The following PAPOLA variants were observed in gnomAD, a reference collection of about 807,000 sequenced individuals.
PAPOLA encodes the protein poly(A) polymerase alpha.
A neutral mutation model predicts 100.6 loss-of-function variants in PAPOLA; 15 were observed. That is an observed-to-expected ratio of 0.15 (90% CI 0.10 to 0.23). The LOEUF is 0.23. PAPOLA is among the 10% of genes least tolerant of loss of function. PAPOLA has a pLI of 1.00. For synonymous variants in PAPOLA, 293 were observed against 300.0 expected (o/e 0.98, Z 0.24); for missense variants, 533 against 884.2 (o/e 0.60, Z 5.04).
At chr14:96,534,686 T>G in intron 10 of PAPOLA, 123 bp downstream of exon 10, 1 of 1,518,706 alleles carries the variant, frequency 6.6e-7, no homozygotes, top group Non-Finnish European at 8.8e-7. Context: ...GTATTACACT[T>G]TCTTTTAGAT....
chr14:96,544,378 A>C, intron 15 of PAPOLA, 120 bp downstream of exon 15: 1 of 605,282 alleles, frequency 1.7e-6, no homozygotes. Context: ...TTGAACTATC[A>C]TCAGAATAAT....
intron 1 of PAPOLA, among the ~76,000 whole-genome samples, chr14:96,508,803 G>T (rs574492612): frequency 6.6e-6 from 1 of 152,012 alleles, no homozygotes; most frequent in African/African-American, 2.4e-5. Context: ...TTAAATAATT[G>T]GACAATGCCA....
intron 21 of PAPOLA, 42 bp downstream of exon 21, chr14:96,562,935 T>TA (rs1190988176): frequency 3.5e-6 from 4 of 1,148,866 alleles, no homozygotes; most frequent in Non-Finnish European, 5.3e-6. Context: ...TAAATGTCCT[T>TA]AAGATTAGTG....
At chr14:96,539,118 T>C (rs908175136) in intron 12 of PAPOLA, among the ~76,000 whole-genome samples, 1 of 152,130 alleles carries the variant, frequency 6.6e-6, no homozygotes, top group Non-Finnish European at 1.5e-5. Flanking sequence ...TAATTCAAGT[T>C]AACATGTAAC....
chr14:96,557,192 C>T (rs936201385), intron 19 of PAPOLA, among the ~76,000 whole-genome samples: 13 of 152,030 alleles, frequency 8.6e-5, no homozygotes, highest in African/African-American at 2.2e-4. Context: ...ACTACAGGTG[C>T]GCACCACCAT....
chr14:96,542,134 C>T (rs1385206037), intron 12 of PAPOLA, 109 bp from the exon 13 acceptor site: 1 of 591,244 alleles, frequency 1.7e-6, no homozygotes, highest in Admixed American at 3.3e-5. Context: ...GTCCCCCTTG[C>T]TAAATTGATG....
chr14:96,547,141 G>A (rs910906729), intron 15 of PAPOLA, among the ~76,000 whole-genome samples: 1 of 152,026 alleles, frequency 6.6e-6, no homozygotes, highest in African/African-American at 2.4e-5. Flanking sequence ...GGCTACGTTG[G>A]TCTTTGTTCA....
chr14:96,544,869 G>A (rs1295100213), intron 15 of PAPOLA, among the ~76,000 whole-genome samples: 1 of 152,026 alleles, frequency 6.6e-6, no homozygotes, highest in African/African-American at 2.4e-5. Context: ...TTAATGCATA[G>A]GTGGGAAATA....
chr14:96,510,403 G>A (rs1865835819), intron 1 of PAPOLA, among the ~76,000 whole-genome samples: 1 of 148,316 alleles, frequency 6.7e-6, no homozygotes. Flanking sequence ...AGTTGATGTA[G>A]CAGTGTACAA....
chr14:96,561,355 A>G (rs563333278), intron 20 of PAPOLA, among the ~76,000 whole-genome samples: 2 of 152,248 alleles, frequency 1.3e-5, no homozygotes, highest in Non-Finnish European at 2.9e-5. Flanking sequence ...CCTTCTCCCA[A>G]ATTATCCAGA....
intron 3 of PAPOLA, among the ~76,000 whole-genome samples, chr14:96,523,377 A>G (rs1050122654): frequency 2.6e-5 from 4 of 152,254 alleles, no homozygotes; most frequent in Non-Finnish European, 5.9e-5. Flanking sequence ...TGACTACACT[A>G]GCAACATTTC....
chr14:96,547,706 G>T, intron 15 of PAPOLA, 91 bp from the exon 16 acceptor site: 1 of 930,584 alleles, frequency 1.1e-6, no homozygotes, highest in Non-Finnish European at 1.6e-6. Flanking sequence ...GATGGAAAAA[G>T]GATCCCTACT....
At chr14:96,538,409 G>A (rs1004420500) in intron 12 of PAPOLA, among the ~76,000 whole-genome samples, 2 of 151,926 alleles carry the variant, frequency 1.3e-5, no homozygotes, top group African/African-American at 4.8e-5. Flanking sequence ...GAACTTTGGT[G>A]CTTTTTCTAA....
At chr14:96,512,984 C>T (rs529682984) in intron 1 of PAPOLA, among the ~76,000 whole-genome samples, 55 of 152,190 alleles carry the variant, frequency 3.6e-4, no homozygotes, top group Non-Finnish European at 6.2e-4. Context: ...TGCTGGAATT[C>T]GGGTCCCTAT....
At chr14:96,552,757 T>C in intron 17 of PAPOLA, 135 bp downstream of exon 17, 1 of 770,678 alleles carries the variant, frequency 1.3e-6, no homozygotes, top group Non-Finnish European at 2.0e-6. Context: ...TAAATAGCAA[T>C]TTAATTCCCA....
intron 1 of PAPOLA, among the ~76,000 whole-genome samples, chr14:96,511,193 G>T (rs1429132499): frequency 6.6e-6 from 1 of 152,132 alleles, no homozygotes; most frequent in Non-Finnish European, 1.5e-5. Flanking sequence ...TTAATATCAT[G>T]GGCCACAACT....
rs539819361 is a variant in PAPOLA at position 96,563,029 on chromosome 14, G to A, written c.2142+136G>A. ...AGTAATTACTTGCTAGCCTATAAAC[G>A]TATTTATTGTAGTTTTAAGGCAGGG... On this transcript the variant is annotated intron_variant, in intron 21 of 21. Coordinates refer to ENST00000216277, the MANE Select transcript of PAPOLA (RefSeq NM_032632.5). The A allele has an allele frequency of 3.0e-4, 170 of 557,920 alleles. No individual in the cohort carries two copies. In the South Asian group the frequency reaches 3.7e-3, roughly 12 times the overall value. 34.6% of individuals were successfully genotyped at this position (557,920 alleles called of 1,614,324 possible).
chr14:96,527,593 G>A (rs983439297), intron 5 of PAPOLA, 54 bp downstream of exon 5: 4 of 968,100 alleles, frequency 4.1e-6, no homozygotes, highest in East Asian at 2.4e-5. Context: ...CATTTAGTCA[G>A]TTGAGTGAAT....
chr14:96,532,958 T>G lies in PAPOLA; in HGVS notation c.836+309T>G, dbSNP rs1488324037. Reference sequence around the variant, plus strand: ...GGTTGGGAAATCAGTTACTATACTTTTGGATAAAACTTGTACACACTACCT... The same window carrying G: ...GGTTGGGAAATCAGTTACTATACTTGTGGATAAAACTTGTACACACTACCT... On this transcript the variant is annotated intron_variant, in intron 9 of 21. Coordinates refer to ENST00000216277, the MANE Select transcript of PAPOLA (RefSeq NM_032632.5). 3 of 1,055,954 alleles carry G rather than the reference T, an allele frequency of 2.8e-6. No homozygotes were observed. In the Admixed American group the frequency reaches 1.5e-4, roughly 53 times the overall value. 65.4% of individuals were successfully genotyped at this position (1,055,954 alleles called of 1,614,324 possible).
Sources: gnomAD v4.1 joint callset for allele counts (sites outside exome capture counted in the v4.1 genomes callset) on GRCh38, gnomAD v4.1.1 for gene constraint, MANE v1.5 for transcripts, NCBI Gene and HGNC (gene_info 2026-07-23, HGNC 2026-07-21) for gene names.